Variants in CSPG4 observed in about 807,000 individuals in gnomAD.
CSPG4 encodes the protein chondroitin sulfate proteoglycan 4, also known as chondroitin sulfate proteoglycan 4 (melanoma-associated).
In CSPG4, 74 loss-of-function variants were observed where a neutral mutation model predicts 139.3. That is an observed-to-expected ratio of 0.53 (90% CI 0.44 to 0.64). The LOEUF (loss-of-function observed/expected upper bound fraction) is 0.64. Among genes scored for constraint, CSPG4 ranks in the 30% least tolerant of loss-of-function variants. CSPG4 has a pLI of 0.00. For missense variants in CSPG4, 2,565 were observed against 3,148.3 expected (o/e 0.81, Z 4.43); for synonymous variants, 1,234 against 1,394.2 (o/e 0.89, Z 2.56).
At chr15:75,706,189 C>T (rs1260505341) in intron 1 of CSPG4, among the ~76,000 whole-genome samples, 1 of 152,212 alleles carries the variant, frequency 6.6e-6, no homozygotes, top group Non-Finnish European at 1.5e-5. Flanking sequence ...GGGGAAGGGG[C>T]TGCTCTTAGG....
chr15:75,704,929 C>A (rs1003137203), intron 1 of CSPG4, among the ~76,000 whole-genome samples: 2 of 152,226 alleles, frequency 1.3e-5, no homozygotes, highest in Non-Finnish European at 2.9e-5. Context: ...CTCCAGCCCC[C>A]ACCTCCAGAG....
chr15:75,709,114 G>T (rs550968414), intron 1 of CSPG4, among the ~76,000 whole-genome samples: 3 of 152,154 alleles, frequency 2.0e-5, no homozygotes, highest in Non-Finnish European at 4.4e-5. Flanking sequence ...CCTGAGAAGC[G>T]GAGAGAGCTA....
chr15:75,694,810 C>T (rs963828984), intron 1 of CSPG4, among the ~76,000 whole-genome samples: 1 of 152,262 alleles, frequency 6.6e-6, no homozygotes, highest in African/African-American at 2.4e-5. Context: ...TTCAGCAGAG[C>T]TTGGCGCCAG....
chr15:75,688,702 C>T lies in CSPG4; in HGVS notation c.2363G>A (p.Arg788Gln), dbSNP rs370158884. The T allele has an allele frequency of 1.9e-5, 30 of 1,610,358 alleles. No individual in the cohort carries two copies. The highest frequency in any genetic ancestry group is 1.1e-4 in the East Asian group (5 of 44,830). ...TIQRATVWML[R>Q]LEPLHTQNTQ... ...GTTCTGAGTGTGCAGTGGCTCCAGC[C>T]GCAGCATCCACACAGTGGCTCTCTG... is the stretch of plus-strand genomic sequence containing the variant. Residue 788 changes from arginine (R) to glutamine (Q), a missense_variant, in exon 3 of 10, where the codon CGG (arginine) becomes CAG (glutamine). By Grantham distance (43) the Arg-to-Gln change is conservative (BLOSUM62 1). Transcript: ENST00000308508.
intron 5 of CSPG4, among the ~76,000 whole-genome samples, chr15:75,683,571 C>G (rs1437928917): frequency 6.6e-6 from 1 of 152,224 alleles, no homozygotes; most frequent in East Asian, 1.9e-4. Flanking sequence ...TTCTGCAGCA[C>G]AGAATCAGCG....
In CSPG4 at chr15:75,685,715, G is replaced by T; in HGVS notation, c.3790-14C>A. On this transcript the variant is annotated splice_polypyrimidine_tract_variant and intron_variant, in intron 3 of 9. Transcript: ENST00000308508. Reference sequence around the variant, plus strand: ...CTCCTGGGCTGCCTGGTTAACAGAGGTCACAAGGACTCACAGGGGGCCACA... The same window carrying T: ...CTCCTGGGCTGCCTGGTTAACAGAGTTCACAAGGACTCACAGGGGGCCACA... The T allele has an allele frequency of 6.3e-7, 1 of 1,575,268 alleles. No individual in the cohort carries two copies.
chr15:75,703,804 C>G (rs916095434), intron 1 of CSPG4, among the ~76,000 whole-genome samples: 1 of 135,970 alleles, frequency 7.4e-6, no homozygotes, highest in African/African-American at 2.9e-5. Flanking sequence ...GTGGGGTAAC[C>G]GTAGCCTGGG....
Position 75,696,454 on chromosome 15 carries a change from A to C in CSPG4, c.89-3221T>G, listed in dbSNP as rs1349992558. 6.6e-6 allele frequency among the ~76,000 whole-genome samples: 1 copy of C among 152,046 alleles called. No homozygotes were observed. The highest frequency in any genetic ancestry group is 1.5e-5 in the Non-Finnish European group (1 of 67,992). On this transcript the variant is annotated intron_variant, in intron 1 of 9. Coordinates refer to ENST00000308508, the MANE Select transcript of CSPG4 (RefSeq NM_001897.5). This position sits in a 1 kb window ranked among gnomAD's most constrained non-coding sequence, Gnocchi z 4.2. ...GATGTGTATTTGTGTGTGCGCAAGC[A>C]TGTGGGTGGCTGCTGGGGGTGTGCT...
In CSPG4 at chr15:75,689,845, G is replaced by A. The variant is rs199819221; in HGVS notation, c.1220C>T (p.Pro407Leu). The A allele has an allele frequency of 0.026, 41,620 of 1,594,124 alleles. 806 individuals are homozygous for A. Among genetic ancestry groups the A allele is most frequent in the African/African-American group, 0.038 (2,829 of 73,806 alleles). ...GCATGGCTCAGGCAGCTCCATGGCTGGCCAAGCCTCAGGGGCCAGGGTGGA... is the reference window on the plus strand; with the variant it reads ...GCATGGCTCAGGCAGCTCCATGGCTAGCCAAGCCTCAGGGGCCAGGGTGGA... Reference protein sequence around the residue: ...AFSTLAPEAWPAMELPEPCVP... With the variant: ...AFSTLAPEAWLAMELPEPCVP... Residue 407 changes from proline (P) to leucine (L), a missense_variant, in exon 3 of 10, where the codon CCA (proline) becomes CTA (leucine). Pro to Leu is a moderately conservative substitution (Grantham distance 98). This residue lies in a region of CSPG4 where 2,316 missense variants were observed against 2,818.2 expected (regional missense o/e 0.82). Transcript: ENST00000308508.
At chr15:75,712,996 G>A, upstream of CSPG4, 1 of 510,140 alleles carries the variant, frequency 2.0e-6, no homozygotes, top group Non-Finnish European at 3.4e-6. Flanking sequence ...TCCTCTCTGG[G>A]GCAGGGGTGA....
At position 75,685,538 on chromosome 15, in the gene CSPG4, A is replaced by T; in HGVS notation, c.3953T>A (p.Val1318Asp). ...FSQEAVDTGR[V>D]LYLHSRPEAW... ...CTCAGGGCGGGAGTGCAGGTACAGG[A>T]CCCTGCCTGTGTCCACTGCCTCCTG... Residue 1318 changes from valine (V) to aspartate (D), a missense_variant, in exon 4 of 10, where the codon GTC (valine) becomes GAC (aspartate). By Grantham distance (152) the Val-to-Asp change is radical. Around this residue, in one of 5 missense-constraint regions of CSPG4, gnomAD observed 2,316 missense variants for 2,818.2 expected, o/e 0.82. Coordinates refer to ENST00000308508, the MANE Select transcript of CSPG4 (RefSeq NM_001897.5). 1.2e-6 allele frequency: 2 copies of T among 1,606,380 alleles called. No homozygotes were observed. Among genetic ancestry groups the T allele is most frequent in the Non-Finnish European group, 8.5e-7 (1 of 1,177,680 alleles).
rs776073261 is a variant in CSPG4 at position 75,688,607 on chromosome 15, T to C, written c.2458A>G (p.Thr820Ala). ...GCCTGAACCACCTCATAATGGAAGG[T>C]TGGGGGGCTTGGGCCTGCCTCCTCC... ...TLEEAGPSPP[T>A]FHYEVVQAPR... is the part of the protein sequence containing the mutation. Residue 820 changes from threonine (T) to alanine (A), a missense_variant, in exon 3 of 10, where the codon ACC becomes GCC. By Grantham distance (58) the Thr-to-Ala change is moderately conservative (BLOSUM62 0). Transcript: ENST00000308508. The C allele has an allele frequency of 4.3e-6, 7 of 1,612,716 alleles. No homozygotes were observed. Among genetic ancestry groups the C allele is most frequent in the South Asian group, 3.3e-5 (3 of 91,080 alleles).
At position 75,688,701 on chromosome 15, in the gene CSPG4, C is replaced by A. The variant is rs774673857; in HGVS notation, c.2364G>T (p.Arg788=). The change falls in exon 3 of 10, where the codon CGG becomes CGT. Residue 788 remains arginine, a synonymous_variant. Transcript: ENST00000308508. ...TIQRATVWML[R]LEPLHTQNTQ... is the part of the protein sequence containing the mutation. The stretch of plus-strand genomic sequence containing the variant: ...TGTTCTGAGTGTGCAGTGGCTCCAG[C>A]CGCAGCATCCACACAGTGGCTCTCT... 5.6e-6 allele frequency: 9 copies of A among 1,610,506 alleles called. No individual in the cohort carries two copies. The highest frequency in any genetic ancestry group is 8.5e-7 in the Non-Finnish European group (1 of 1,178,372).
rs1174943995 is a variant in CSPG4 at position 75,684,737 on chromosome 15, T to C, written c.4448A>G (p.Gln1483Arg). The C allele has an allele frequency of 6.2e-7, 1 of 1,612,132 alleles. No homozygotes were observed. The highest frequency in any genetic ancestry group is 2.2e-5 in the East Asian group (1 of 44,818). Residue 1483 changes from glutamine to arginine, a missense_variant and splice_region_variant, in exon 5 of 10, where the codon CAG (glutamine) becomes CGG (arginine). This residue lies in a region of CSPG4 where 2,316 missense variants were observed against 2,818.2 expected (regional missense o/e 0.82). Coordinates refer to ENST00000308508, the MANE Select transcript of CSPG4 (RefSeq NM_001897.5). ...GGGTGTTCCCAGGGATGCTCTCACC[T>C]GCAGGCCTGTGTTTGTAGTGAGGAT... ...PPILTTNTGL[Q>R]MWEGATAPIP...
upstream of CSPG4, chr15:75,712,917 G>A (rs1353449356): frequency 3.5e-6 from 2 of 569,106 alleles, no homozygotes; most frequent in Non-Finnish European, 6.0e-6. Context: ...GCGCCCGCTC[G>A]GGTTTCAGGC....
rs111290212 is a variant in CSPG4 at position 75,708,751 on chromosome 15, G to A, written c.88+3917C>T. ...TCTGTAAAATAGGACTGTTGGACAGGTATGGTGGTTCACACCTGTAATCCC... is the reference window on the plus strand; with the variant it reads ...TCTGTAAAATAGGACTGTTGGACAGATATGGTGGTTCACACCTGTAATCCC... On this transcript the variant is annotated intron_variant, in intron 1 of 9. Coordinates refer to ENST00000308508, the MANE Select transcript of CSPG4 (RefSeq NM_001897.5). Among the ~76,000 whole-genome samples the A allele has an allele frequency of 7.4e-3, 1,129 of 152,352 alleles. 15 individuals carry two copies. The highest frequency in any genetic ancestry group is 0.025 in the African/African-American group (1,056 of 41,576).
chr15:75,685,676 G>A lies in CSPG4; in HGVS notation c.3815C>T (p.Ala1272Val). 1 of 1,600,988 alleles carries A rather than the reference G, an allele frequency of 6.2e-7. No homozygotes were observed. The change falls in exon 4 of 10, where the codon GCA becomes GTA. Residue 1272 changes from alanine (A) to valine (V), a missense_variant. Physicochemically the swap from Ala to Val is moderately conservative, Grantham distance 64. Around this residue, in one of 5 missense-constraint regions of CSPG4, gnomAD observed 2,316 missense variants for 2,818.2 expected, o/e 0.82. Transcript: ENST00000308508. ...LEAAQEAVPP[A>V]DIVFSVKSPP... is the part of the protein sequence containing the mutation. ...GCTCTTCACTGAGAATACGATGTCT[G>A]CAGGTGGCACTGCCTCCTGGGCTGC...
rs1175886636 is a variant in CSPG4, at chr15:75,676,944, C to G, written c.5575G>C (p.Val1859Leu). 4 of 1,534,760 alleles carry G rather than the reference C, an allele frequency of 2.6e-6. No homozygotes were observed. The highest frequency in any genetic ancestry group is 3.5e-6 in the Non-Finnish European group (4 of 1,136,564). Reference sequence around the variant, plus strand: ...TCCCCAGGAGCTGAGTCTGGGTCCACCACACTCAGCTGGGCCCGGGAGATG... The same window carrying G: ...TCCCCAGGAGCTGAGTCTGGGTCCAGCACACTCAGCTGGGCCCGGGAGATG... ...APISRAQLSV[V>L]DPDSAPGEIE... Residue 1859 changes from valine to leucine, a missense_variant, in exon 10 of 10, where the codon GTG becomes CTG. By Grantham distance (32) the Val-to-Leu change is conservative. Around this residue, in one of 5 missense-constraint regions of CSPG4, gnomAD observed 2,316 missense variants for 2,818.2 expected, o/e 0.82. Coordinates refer to ENST00000308508, the MANE Select transcript of CSPG4 (RefSeq NM_001897.5).
intron 8 of CSPG4, 68 bp downstream of exon 8, chr15:75,682,225 T>A (rs1239631082): frequency 9.0e-6 from 14 of 1,561,164 alleles, no homozygotes; most frequent in Non-Finnish European, 1.2e-5. Flanking sequence ...GTCCACATGA[T>A]GTCCATGGCA....
Sources: allele counts gnomAD v4.1 joint callset (sites outside exome capture counted in the v4.1 genomes callset), GRCh38; gene constraint gnomAD v4.1.1; regional missense constraint gnomAD v4.1.1; non-coding constraint Gnocchi (gnomAD v3.1); transcripts MANE v1.5; gene names NCBI Gene and HGNC (gene_info 2026-07-23, HGNC 2026-07-21).